AASDH: variants seen among roughly 807,000 people sequenced by gnomAD.
AASDH encodes aminoadipate-semialdehyde dehydrogenase.
In AASDH, 81 loss-of-function variants were observed where a neutral mutation model predicts 102.3. The ratio of observed to expected loss-of-function variants is 0.79; its 90% confidence interval spans 0.66 to 0.95. The LOEUF is 0.95. AASDH is among the 40% of genes least tolerant of loss of function. The pLI is 0.00. For synonymous variants in AASDH, 398 were observed against 454.0 expected, an observed-to-expected ratio of 0.88 and a Z score of 1.57; for missense variants, 1,203 against 1,266.2, an observed-to-expected ratio of 0.95 and a Z score of 0.76.
At chr4:56,381,203 T>C (rs1380218883) in intron 3 of AASDH, among the ~76,000 whole-genome samples, 1 of 152,204 alleles carries the variant, frequency 6.6e-6, no homozygotes, top group Non-Finnish European at 1.5e-5. Context: ...TGCTTACTTA[T>C]GAACAATGCA....
At position 56,353,690 on chromosome 4, in the gene AASDH, G is replaced by A. The variant is rs2109891698; in HGVS notation, c.1384-94C>T. Reference sequence around the variant, plus strand: ...TTTAATGTCTGAAATCAAAACAGCTGAATTAAATTTTGGAATATACTGGAG... The same window carrying A: ...TTTAATGTCTGAAATCAAAACAGCTAAATTAAATTTTGGAATATACTGGAG... On this transcript the variant is annotated intron_variant, in intron 8 of 14. Transcript: ENST00000205214. The A allele has an allele frequency of 7.5e-6, 9 of 1,195,078 alleles. No homozygotes were observed. In the South Asian group the frequency reaches 1.3e-4, roughly 17 times the overall value. 74.0% of individuals were successfully genotyped at this position (1,195,078 alleles called of 1,614,324 possible). A position where few individuals can be genotyped will look rare whatever the true frequency, so the allele number is the denominator to read the frequency against.
chr4:56,382,132 A>C (rs191745221), intron 3 of AASDH: 2 of 168,286 alleles, frequency 1.2e-5, no homozygotes, highest in African/African-American at 4.8e-5. Context: ...TATTATTATA[A>C]GGCTAACAGA....
intron 5 of AASDH, among the ~76,000 whole-genome samples, chr4:56,361,182 C>T (rs6854758): frequency 0.45 from 67,860 of 151,970 alleles, 15,517 homozygotes; most frequent in Non-Finnish European, 0.49. Flanking sequence ...AAAGCCAAGG[C>T]GGGCAGATCA....
chr4:56,374,127 C>T lies in AASDH; in HGVS notation c.669-2484G>A, dbSNP rs554892026. Among the ~76,000 whole-genome samples the T allele has an allele frequency of 3.1e-4, 47 of 152,138 alleles. 1 individual carries two copies. The South Asian group carries it at 9.5e-3, about 31-fold the overall frequency. On this transcript the variant is annotated intron_variant, in intron 4 of 14. Transcript: ENST00000205214. ...GGGCGCGGTGGCTCACGCTTGTAAT[C>T]CCAGCACTTTGGGAGGCCAAGGTGG...
intron 5 of AASDH, among the ~76,000 whole-genome samples, chr4:56,370,201 A>C (rs1751518503): frequency 6.6e-6 from 1 of 151,798 alleles, no homozygotes; most frequent in African/African-American, 2.4e-5. Context: ...TGTCTCTACC[A>C]AAAATACAAA....
At chr4:56,355,161 T>C in intron 6 of AASDH, 21 bp downstream of exon 6, 1 of 1,610,290 alleles carries the variant, frequency 6.2e-7, no homozygotes. Flanking sequence ...CTTCTCTATA[T>C]AGTACAATGA....
At chr4:56,385,381 A>C (rs1642839215) in intron 1 of AASDH, among the ~76,000 whole-genome samples, 1 of 152,176 alleles carries the variant, frequency 6.6e-6, no homozygotes, top group Non-Finnish European at 1.5e-5. Flanking sequence ...TAATATTACA[A>C]CTCAATAAAG....
intron 4 of AASDH, among the ~76,000 whole-genome samples, chr4:56,377,320 C>T (rs184582920): frequency 6.6e-6 from 1 of 152,268 alleles, no homozygotes; most frequent in East Asian, 1.9e-4. Context: ...AGAATGTCAA[C>T]TTTGGAGATT....
At chr4:56,359,066 T>C (rs1327429268) in intron 5 of AASDH, among the ~76,000 whole-genome samples, 1 of 151,864 alleles carries the variant, frequency 6.6e-6, no homozygotes, top group Non-Finnish European at 1.5e-5. Flanking sequence ...CTTATCCTTA[T>C]AAAATTGTTA....
intron 11 of AASDH, among the ~76,000 whole-genome samples, chr4:56,347,032 C>T (rs1029389182): frequency 8.8e-5 from 13 of 147,746 alleles, no homozygotes; most frequent in South Asian, 4.3e-4. Context: ...CAGAGCAAGA[C>T]GCTGTCTTAA....
In AASDH at chr4:56,379,178, C is replaced by T. The variant is rs551760973; in HGVS notation, c.352-714G>A. ...CTGGGATTACAGGCATGAGCCACCACGCCTGACCACAGCAGTGTAATCTTA... is the reference window on the plus strand; with the variant it reads ...CTGGGATTACAGGCATGAGCCACCATGCCTGACCACAGCAGTGTAATCTTA... On this transcript the variant is annotated intron_variant, in intron 3 of 14. Transcript: ENST00000205214. Among the ~76,000 whole-genome samples, 10 of 152,236 alleles carry T rather than the reference C, an allele frequency of 6.6e-5. No individual in the cohort carries two copies. In the South Asian group the frequency reaches 8.3e-4, roughly 13 times the overall value.
intron 5 of AASDH, chr4:56,356,901 C>T (rs1032065266): frequency 3.4e-5 from 32 of 932,698 alleles, no homozygotes; most frequent in Admixed American, 2.1e-4. Context: ...AAAAGGCAAA[C>T]GCTAAAGAAC....
chr4:56,351,917 C>CA (rs34850926), intron 9 of AASDH, among the ~76,000 whole-genome samples: 1,859 of 99,168 alleles, frequency 0.019, 19 homozygotes, highest in Middle Eastern at 0.082. Context: ...ACCCTATCTC[C>CA]AAAAAAAAAA....
chr4:56,355,107 CAAA>C (rs1749443974), intron 6 of AASDH, 72 bp downstream of exon 6: 1 of 1,490,668 alleles, frequency 6.7e-7, no homozygotes, highest in African/African-American at 1.4e-5. Flanking sequence ...CAGCACCTAT[CAAA>C]AACACTGTCA....
At chr4:56,345,707 G>T (rs1748255455) in intron 11 of AASDH, among the ~76,000 whole-genome samples, 1 of 152,106 alleles carries the variant, frequency 6.6e-6, no homozygotes, top group Admixed American at 6.6e-5. Flanking sequence ...CTACTTCCAG[G>T]GTTATTGCAA....
chr4:56,345,951 CAT>C (rs1271468536), intron 11 of AASDH, among the ~76,000 whole-genome samples: 1 of 152,234 alleles, frequency 6.6e-6, no homozygotes, highest in African/African-American at 2.4e-5. Flanking sequence ...TTACACAGCT[CAT>C]ATGTGGCAAA....
intron 8 of AASDH, 71 bp from the exon 9 acceptor site, chr4:56,353,667 TA>T: frequency 1.5e-6 from 2 of 1,367,202 alleles, no homozygotes; most frequent in Non-Finnish European, 2.0e-6. Flanking sequence ...CTTATTTTTT[TA>T]ATGTCTGAAA....
intron 12 of AASDH, among the ~76,000 whole-genome samples, 185 bp downstream of exon 12, chr4:56,344,942 T>C (rs78241571): frequency 2.3e-5 from 1 of 43,926 alleles, no homozygotes; most frequent in African/African-American, 6.8e-5. Context: ...TTTTCTTTCT[T>C]TTTTTTTTTT....
rs779407386 is a variant in AASDH, at chr4:56,349,416, CA to C, written c.2334del (p.Phe778LeufsTer17). On this transcript the variant is annotated frameshift_variant, in exon 11 of 15. Coordinates refer to ENST00000205214, the MANE Select transcript of AASDH (RefSeq NM_181806.4). LOFTEE classifies it high-confidence loss of function. The part of the protein sequence containing the change: ...DASPLVVIPT[F>X]DKSSTTVYIG... ...ATGTACACAGTTGTAGATGACTTAT[CA>C]AAAGTGGGTATTACAACCAGCGGTG... The C allele has an allele frequency of 1.9e-6, 3 of 1,614,120 alleles. No homozygotes were observed. The highest frequency in any genetic ancestry group is 3.3e-5 in the Admixed American group (2 of 60,004).
Sources: allele counts gnomAD v4.1 joint callset (sites outside exome capture counted in the v4.1 genomes callset), GRCh38; gene constraint gnomAD v4.1.1; transcripts MANE v1.5; gene names NCBI Gene and HGNC (gene_info 2026-07-23, HGNC 2026-07-21).